The following EPHA7 variants were observed in gnomAD, a reference collection of about 807,000 sequenced individuals.
EPHA7 encodes ephrin type-A receptor 7.
Under a neutral mutation model 112.6 loss-of-function variants are expected in EPHA7, and 25 were observed. The observed-to-expected ratio is 0.22, with a 90% CI of 0.16 to 0.31. The LOEUF (loss-of-function observed/expected upper bound fraction) is 0.31. Among genes scored for constraint, EPHA7 ranks in the 10% least tolerant of loss-of-function variants. The pLI is 1.00. For synonymous variants in EPHA7, 437 were observed against 406.5 expected, an observed-to-expected ratio of 1.07 and a Z score of -0.90; for missense variants, 962 against 1,212.6, an observed-to-expected ratio of 0.79 and a Z score of 3.07.
chr6:93,251,658 A>T (rs1042164850), intron 14 of EPHA7, among the ~76,000 whole-genome samples: 3 of 151,774 alleles, frequency 2.0e-5, no homozygotes, highest in African/African-American at 7.2e-5. Flanking sequence ...AAAATTTCAT[A>T]ATTTGAGGGT....
chr6:93,253,022 G>A (rs1308482024), intron 14 of EPHA7, among the ~76,000 whole-genome samples: 2 of 151,876 alleles, frequency 1.3e-5, no homozygotes, highest in African/African-American at 4.8e-5. Context: ...TCCATTATTT[G>A]TTTTTGGAAG....
chr6:93,416,607 C>G (rs1224772787), intron 1 of EPHA7, among the ~76,000 whole-genome samples: 1 of 152,228 alleles, frequency 6.6e-6, no homozygotes, highest in Non-Finnish European at 1.5e-5. Flanking sequence ...GTGCGTCTCT[C>G]TTCTGCTCGG....
At chr6:93,415,616 A>T (rs367886158) in intron 1 of EPHA7, among the ~76,000 whole-genome samples, 1 of 151,992 alleles carries the variant, frequency 6.6e-6, no homozygotes, top group Non-Finnish European at 1.5e-5. Context: ...TTTTTTGGAC[A>T]ATTACTCTTC....
At chr6:93,320,013 G>T (rs35802099) in intron 5 of EPHA7, among the ~76,000 whole-genome samples, 26,742 of 151,760 alleles carry the variant, frequency 0.18, 2,764 homozygotes, top group East Asian at 0.34. Context: ...GATATTTAGG[G>T]ATAAATTGGA....
chr6:93,391,969 T>C (rs1777930637), intron 3 of EPHA7, among the ~76,000 whole-genome samples: 1 of 151,960 alleles, frequency 6.6e-6, no homozygotes, highest in African/African-American at 2.4e-5. Context: ...TCAGACAGCG[T>C]TAGACTCAAT....
intron 5 of EPHA7, among the ~76,000 whole-genome samples, chr6:93,350,745 AT>A (rs930778012): frequency 2.2e-4 from 33 of 148,696 alleles, no homozygotes; most frequent in Admixed American, 5.4e-4. Context: ...CTAGGCAGGA[AT>A]TTTTTTTTTT....
intron 3 of EPHA7, among the ~76,000 whole-genome samples, chr6:93,366,454 G>A (rs775516607): frequency 6.6e-6 from 1 of 152,134 alleles, no homozygotes; most frequent in South Asian, 2.1e-4. Context: ...ATGTCTAGCT[G>A]CTAAACTACC....
intron 3 of EPHA7, among the ~76,000 whole-genome samples, chr6:93,367,233 C>A (rs568034790): frequency 3.9e-4 from 60 of 152,196 alleles, no homozygotes; most frequent in African/African-American, 1.4e-3. Flanking sequence ...AGAGTTCTTA[C>A]CCCACAATTA....
intron 1 of EPHA7, among the ~76,000 whole-genome samples, chr6:93,417,796 C>T (rs1243104545): frequency 1.3e-5 from 2 of 151,944 alleles, no homozygotes; most frequent in Admixed American, 6.6e-5. Flanking sequence ...AACGCGTAAC[C>T]GCCAGCTTGG....
At chr6:93,411,655 C>T (rs2127995365) in intron 2 of EPHA7, among the ~76,000 whole-genome samples, 1 of 152,194 alleles carries the variant, frequency 6.6e-6, no homozygotes, top group African/African-American at 2.4e-5. Flanking sequence ...ATAAACCATT[C>T]AACAACCTGT....
intron 5 of EPHA7, among the ~76,000 whole-genome samples, chr6:93,324,241 T>A (rs998001230): frequency 3.3e-5 from 5 of 151,428 alleles, no homozygotes; most frequent in African/African-American, 1.2e-4. Context: ...TTAACTAACA[T>A]AAAATATGCC....
At chr6:93,310,695 T>G (rs994119987) in intron 5 of EPHA7, among the ~76,000 whole-genome samples, 1 of 152,082 alleles carries the variant, frequency 6.6e-6, no homozygotes, top group Non-Finnish European at 1.5e-5. Context: ...TACATTAACA[T>G]TATACTGTAG....
intron 3 of EPHA7, among the ~76,000 whole-genome samples, chr6:93,389,022 A>G (rs1777771763): frequency 6.6e-6 from 1 of 152,088 alleles, no homozygotes; most frequent in Admixed American, 6.6e-5. Context: ...GATAGATAAG[A>G]CACAGACTTA....
intron 10 of EPHA7, 53 bp downstream of exon 10, chr6:93,259,301 T>C (rs1180617749): frequency 6.2e-7 from 1 of 1,603,436 alleles, no homozygotes; most frequent in Non-Finnish European, 8.5e-7. Context: ...GATGTATGAC[T>C]TTCGATCTTG....
chr6:93,300,097 C>T (rs1399429226), intron 5 of EPHA7, among the ~76,000 whole-genome samples: 9 of 152,136 alleles, frequency 5.9e-5, no homozygotes, highest in Non-Finnish European at 1.2e-4. Context: ...ATCTACATAA[C>T]AAACCTGCGC....
intron 5 of EPHA7, among the ~76,000 whole-genome samples, chr6:93,341,339 A>T (rs965902497): frequency 6.6e-6 from 1 of 151,838 alleles, no homozygotes; most frequent in African/African-American, 2.4e-5. Context: ...ACAAGATCAT[A>T]AAATAAGACT....
At chr6:93,317,783 C>G (rs1773883108) in intron 5 of EPHA7, among the ~76,000 whole-genome samples, 1 of 152,114 alleles carries the variant, frequency 6.6e-6, no homozygotes, top group Non-Finnish European at 1.5e-5. Flanking sequence ...CTAGCACCTA[C>G]AATATGTGAA....
chr6:93,284,931 C>T (rs960716832), intron 5 of EPHA7, among the ~76,000 whole-genome samples: 32 of 151,888 alleles, frequency 2.1e-4, no homozygotes, highest in African/African-American at 7.7e-4. Context: ...ACCACCATGG[C>T]GTGTGTATAC....
intron 5 of EPHA7, among the ~76,000 whole-genome samples, chr6:93,278,150 G>A (rs1004187912): frequency 6.6e-6 from 1 of 151,878 alleles, no homozygotes; most frequent in Admixed American, 6.6e-5. Flanking sequence ...ATTATTATAG[G>A]AGTTAGCACT....
Sources: gnomAD v4.1 joint callset for allele counts (sites outside exome capture counted in the v4.1 genomes callset) on GRCh38, gnomAD v4.1.1 for gene constraint, MANE v1.5 for transcripts, NCBI Gene and HGNC (gene_info 2026-07-23, HGNC 2026-07-21) for gene names.